The following MTMR1 variants were observed in gnomAD, a reference collection of about 807,000 sequenced individuals.
MTMR1 encodes the protein myotubularin related protein 1.
MTMR1 carries 17 observed loss-of-function variants against 51.6 expected under a neutral mutation model. That is an observed-to-expected ratio of 0.33 (90% confidence interval 0.23 to 0.49). MTMR1 has a LOEUF of 0.49. MTMR1 is among the 20% of genes least tolerant of loss of function. The pLI, the probability that MTMR1 is intolerant of heterozygous loss-of-function variation, is 0.99. For synonymous variants in MTMR1, 201 were observed against 205.6 expected, an observed-to-expected ratio of 0.98 and a Z score of 0.19; for missense variants, 386 against 526.9, an observed-to-expected ratio of 0.73 and a Z score of 2.62.
At chrX:150,737,134 G>A in intron 11 of MTMR1, 108 bp from the exon 12 acceptor site, 1 of 681,646 alleles carries the variant, frequency 1.5e-6, no homozygotes, top group Non-Finnish European at 2.2e-6. Flanking sequence ...ATTCTTGCTT[G>A]GTTTATTGAC....
At chrX:150,707,832 C>T (rs1181730435) in intron 2 of MTMR1, among the ~76,000 whole-genome samples, 2 of 112,133 alleles carry the variant, frequency 1.8e-5, no homozygotes, top group Non-Finnish European at 3.8e-5. Flanking sequence ...AGATGTTCTT[C>T]ATCAGGTATA....
At position 150,727,205 on chromosome X, in the gene MTMR1, T is replaced by C; in HGVS notation, c.353-10T>C. ...TGGCAGTAGTTGCTACTTTGGCCTT[T>C]TTCTTTCAGTGAAAGATGTCATGTA... is the stretch of plus-strand genomic sequence containing the variant. On this transcript the variant is annotated splice_polypyrimidine_tract_variant and intron_variant, in intron 4 of 15. Transcript: ENST00000445323. 8.5e-7 allele frequency: 1 copy of C among 1,180,107 alleles called. No individual in the cohort carries two copies. The highest frequency in any genetic ancestry group is 1.1e-6 in the Non-Finnish European group (1 of 871,262).
At chrX:150,727,814 A>G (rs2041989351) in intron 6 of MTMR1, 23 bp downstream of exon 6, 3 of 1,107,914 alleles carry the variant, frequency 2.7e-6, no homozygotes, top group Non-Finnish European at 3.7e-6. Context: ...CGCCAAGTGA[A>G]AACTAAAAGA....
intron 3 of MTMR1, among the ~76,000 whole-genome samples, chrX:150,717,457 T>A (rs1391135613): frequency 1.8e-5 from 2 of 110,698 alleles, no homozygotes; most frequent in Non-Finnish European, 3.8e-5. Context: ...TTATTTATTT[T>A]TTAAGACCTA....
chrX:150,753,826 A>G (rs868977061), intron 14 of MTMR1, among the ~76,000 whole-genome samples: 2 of 111,705 alleles, frequency 1.8e-5, no homozygotes, highest in African/African-American at 6.5e-5. Flanking sequence ...TTTAATTTTG[A>G]TGAACTGCAA....
In MTMR1 at chrX:150,744,353, C is replaced by T; in HGVS notation, c.1474-8C>T. The T allele has an allele frequency of 8.3e-7, 1 of 1,201,772 alleles. No homozygotes were observed. Among genetic ancestry groups the T allele is most frequent in the Non-Finnish European group, 1.1e-6 (1 of 887,411 alleles). ...CGTTAAAACGTTTAACCTTCTGTTT[C>T]TGTTCAGCGAGTGGGCCATGGTAAT... On this transcript the variant is annotated splice_polypyrimidine_tract_variant and splice_region_variant and intron_variant, in intron 12 of 15. Transcript: ENST00000445323.
At position 150,732,629 on chromosome X, in the gene MTMR1, G is replaced by A; in HGVS notation, c.979G>A (p.Glu327Lys). The change falls in exon 10 of 16, where the codon GAG (glutamate) becomes AAG (lysine). Residue 327 changes from glutamate (E) to lysine (K), a missense_variant. By Grantham distance (56) the Glu-to-Lys change is moderately conservative. Coordinates refer to ENST00000445323, the MANE Select transcript of MTMR1 (RefSeq NM_001306144.3). ...GGGTCCCAATGATAAGCGCTGCAAA[G>A]AGGATGAAAAATACTTGCAAACAAT... ...LVGPNDKRCK[E>K]DEKYLQTIMD... is the part of the protein sequence containing the mutation. 8.3e-7 allele frequency: 1 copy of A among 1,211,557 alleles called. No homozygotes were observed. The highest frequency in any genetic ancestry group is 1.1e-6 in the Non-Finnish European group (1 of 895,247).
intron 8 of MTMR1, 66 bp downstream of exon 8, chrX:150,730,674 A>G: frequency 5.8e-6 from 4 of 692,328 alleles, no homozygotes; most frequent in Non-Finnish European, 8.3e-6. Flanking sequence ...CTAAAAGGTT[A>G]GAAATGATGT....
intron 12 of MTMR1, among the ~76,000 whole-genome samples, chrX:150,743,353 C>T (rs938224670): frequency 1.8e-5 from 2 of 110,698 alleles, no homozygotes; most frequent in Admixed American, 1.9e-4. Flanking sequence ...GCAGGCTATG[C>T]TCGTGTCACT....
intron 1 of MTMR1, among the ~76,000 whole-genome samples, chrX:150,698,249 G>A (rs782766672): frequency 7.3e-5 from 8 of 109,755 alleles, no homozygotes; most frequent in African/African-American, 2.3e-4. Flanking sequence ...AGCCGAGATC[G>A]CGCCACTGCA....
Position 150,762,665 on chromosome X carries a change from C to A in MTMR1, c.1958C>A (p.Ser653Ter). 1 of 1,206,634 alleles carries A rather than the reference C, an allele frequency of 8.3e-7. No homozygotes were observed. The highest frequency in any genetic ancestry group is 1.1e-6 in the Non-Finnish European group (1 of 892,508). The change falls in exon 16 of 16, where the codon TCA (serine) becomes TAA (stop). Residue 653 changes from serine (S) to a stop codon, truncating the protein, a stop_gained. Transcript: ENST00000445323. LOFTEE classifies it high-confidence loss of function. ...LQREVATRAVSSSSERGSSPS... is the reference protein window; with the variant it reads ...LQREVATRAV ...CGGGAGGTGGCCACGCGCGCCGTCT[C>A]ATCCTCATCTGAGCGGGGCTCCTCG...
intron 13 of MTMR1, among the ~76,000 whole-genome samples, chrX:150,748,898 G>C (rs781978846): frequency 1.5e-3 from 163 of 111,733 alleles, no homozygotes; most frequent in Non-Finnish European, 1.7e-3. Flanking sequence ...TGAGGCCACT[G>C]TCAGAGTTGC....
At chrX:150,722,206 G>C (rs782242228) in intron 4 of MTMR1, among the ~76,000 whole-genome samples, 74 of 112,008 alleles carry the variant, frequency 6.6e-4, no homozygotes, top group African/African-American at 2.3e-3. Context: ...CAGTTGAAAA[G>C]AATGTGTTTT....
chrX:150,756,602 C>G (rs941601708), intron 15 of MTMR1, among the ~76,000 whole-genome samples: 3 of 112,049 alleles, frequency 2.7e-5, no homozygotes, highest in African/African-American at 9.7e-5. Flanking sequence ...CAGATAGAGG[C>G]AGCCTGTACC....
chrX:150,712,354 C>G lies in MTMR1; in HGVS notation c.265C>G (p.Pro89Ala). Residue 89 changes from proline (P) to alanine (A), a missense_variant, in exon 3 of 16, where the codon CCT becomes GCT. Physicochemically the swap from Pro to Ala is conservative, Grantham distance 27. Coordinates refer to ENST00000445323, the MANE Select transcript of MTMR1 (RefSeq NM_001306144.3). ...VSRDYKVFRR[P>A]DLRALRDGNK... ...TTTTAACTAACAGGTTTTCAGGAGG[C>G]CTGATCTAAGGGTAAGGATATTTGG... 1 of 1,164,375 alleles carries G rather than the reference C, an allele frequency of 8.6e-7. No homozygotes were observed. The highest frequency in any genetic ancestry group is 3.3e-5 in the East Asian group (1 of 30,673).
intron 1 of MTMR1, among the ~76,000 whole-genome samples, chrX:150,698,963 AT>A: frequency 9.5e-6 from 1 of 105,275 alleles, no homozygotes; most frequent in Non-Finnish European, 2.0e-5. Context: ...AACACCTAGA[AT>A]CTTCAACTTT....
intron 3 of MTMR1, among the ~76,000 whole-genome samples, chrX:150,715,795 T>C (rs1365841452): frequency 1.8e-4 from 20 of 112,900 alleles, no homozygotes; most frequent in Non-Finnish European, 2.2e-4. Context: ...TTTTGCCATT[T>C]AAAAGGCATG....
Position 150,759,930 on chromosome X carries a change from C to T in MTMR1, c.1858-2635C>T, listed in dbSNP as rs562688157. Among the ~76,000 whole-genome samples the T allele has an allele frequency of 2.7e-5, 3 of 109,422 alleles. 1 individual carries two copies. The highest frequency in any genetic ancestry group is 3.9e-5 in the Non-Finnish European group (2 of 51,331). ...CAGTGCGTGTAGTTGTGGAAGGATG[C>T]CCCCGACAGGGCCAGATCCCGTCTC... On this transcript the variant is annotated intron_variant, in intron 15 of 15. Coordinates refer to ENST00000445323, the MANE Select transcript of MTMR1 (RefSeq NM_001306144.3).
At position 150,712,305 on chromosome X, in the gene MTMR1, T is replaced by C. The variant is rs1047270975; in HGVS notation, c.253-37T>C. 7.0e-6 allele frequency: 8 copies of C among 1,142,825 alleles called. No homozygotes were observed. The Admixed American group carries it at 2.1e-4, about 30-fold the overall frequency. The allele number at this position is 1,142,825 out of a possible 1,213,427, so 94.2% of individuals were successfully genotyped here. ...CATCTTTCACAGGTCAATAGTAACA[T>C]GTCCATGATGATGATATTCTGTATT... On this transcript the variant is annotated intron_variant, in intron 2 of 15. Transcript: ENST00000445323.
Sources: allele counts gnomAD v4.1 joint callset (sites outside exome capture counted in the v4.1 genomes callset), GRCh38; gene constraint gnomAD v4.1.1; transcripts MANE v1.5; gene names NCBI Gene and HGNC (gene_info 2026-07-23, HGNC 2026-07-21).